Variants in CCND3 observed in about 807,000 individuals in gnomAD.
The protein encoded by CCND3 is G1/S-specific cyclin-D3.
Under a neutral mutation model 28.7 loss-of-function variants are expected in CCND3, and 9 were observed. The ratio of observed to expected loss-of-function variants is 0.31; its 90% CI spans 0.19 to 0.55. The LOEUF is 0.55. Ranked by LOEUF, CCND3 falls within the 20% of genes least tolerant of loss-of-function variation. The pLI, the probability that CCND3 is intolerant of heterozygous loss-of-function variation, is 0.93. For synonymous variants in CCND3, 164 were observed against 163.9 expected (o/e 1.00, Z 0.00); for missense variants, 315 against 385.8 (o/e 0.82, Z 1.54).
At chr6:41,966,331 G>T (rs1761885304) in intron 1 of CCND3, among the ~76,000 whole-genome samples, 1 of 151,846 alleles carries the variant, frequency 6.6e-6, no homozygotes, top group Non-Finnish European at 1.5e-5. Flanking sequence ...GAGGTGGGAG[G>T]ATCCCTGGAG....
At chr6:41,991,940 G>A (rs1212051574) in intron 1 of CCND3, among the ~76,000 whole-genome samples, 3 of 152,066 alleles carry the variant, frequency 2.0e-5, no homozygotes, top group Non-Finnish European at 4.4e-5. Context: ...TCTTTTTTAT[G>A]GCTGAAAAGA....
At chr6:42,037,245 G>GT (rs112110003) in intron 1 of CCND3, among the ~76,000 whole-genome samples, 8,733 of 126,398 alleles carry the variant, frequency 0.069, 776 homozygotes, top group African/African-American at 0.21. Flanking sequence ...CGGCCGTTTT[G>GT]TTTTTTTTTT....
At chr6:41,989,544 C>A (rs1762593058) in intron 1 of CCND3, among the ~76,000 whole-genome samples, 1 of 148,638 alleles carries the variant, frequency 6.7e-6, no homozygotes, top group Admixed American at 6.7e-5. Flanking sequence ...TCTCACCAAA[C>A]ATCTACAGAT....
chr6:41,992,778 T>C (rs762740191), intron 1 of CCND3, among the ~76,000 whole-genome samples: 10 of 152,052 alleles, frequency 6.6e-5, no homozygotes, highest in Non-Finnish European at 1.5e-4. Flanking sequence ...AGGGTCTCGC[T>C]CTGTCACCTA....
At chr6:41,971,589 TG>T (rs1762033158) in intron 1 of CCND3, among the ~76,000 whole-genome samples, 1 of 151,768 alleles carries the variant, frequency 6.6e-6, no homozygotes, top group African/African-American at 2.4e-5. Flanking sequence ...GTCGCCAGGC[TG>T]GAGTTCAGTG....
chr6:41,984,615 T>A (rs961071797), intron 1 of CCND3, among the ~76,000 whole-genome samples: 21 of 152,162 alleles, frequency 1.4e-4, no homozygotes, highest in Admixed American at 2.0e-4. Context: ...CCCAAAGTGT[T>A]GGGATTACAG....
intron 1 of CCND3, among the ~76,000 whole-genome samples, chr6:42,001,465 A>ACTAG (rs397698458): frequency 4.0e-5 from 6 of 151,262 alleles, no homozygotes; most frequent in Non-Finnish European, 8.9e-5. Context: ...ACATATACTA[A>ACTAG]GTGAAAGAAG....
chr6:42,023,342 G>GA (rs1166906667), intron 1 of CCND3, among the ~76,000 whole-genome samples: 1 of 152,226 alleles, frequency 6.6e-6, no homozygotes, highest in African/African-American at 2.4e-5. Context: ...GCCTTACAGA[G>GA]AAAATACATT....
intron 1 of CCND3, among the ~76,000 whole-genome samples, chr6:41,987,515 CTCTGTG>C (rs1762523388): frequency 4.8e-5 from 2 of 41,240 alleles, no homozygotes; most frequent in African/African-American, 4.2e-4. Flanking sequence ...CTCTCTCTCT[CTCTGTG>C]TGTGTGTGTG....
At chr6:41,980,930 A>G (rs1762327791) in intron 1 of CCND3, among the ~76,000 whole-genome samples, 1 of 152,164 alleles carries the variant, frequency 6.6e-6, no homozygotes. Context: ...ATCATACTCA[A>G]TGGTGGGAAA....
At chr6:41,993,706 C>CGAGG (rs1762720387) in intron 1 of CCND3, among the ~76,000 whole-genome samples, 2 of 151,708 alleles carry the variant, frequency 1.3e-5, no homozygotes, top group South Asian at 4.2e-4. Flanking sequence ...TTCACTATCA[C>CGAGG]GAGGTCAGGA....
upstream of CCND3, among the ~76,000 whole-genome samples, chr6:41,946,627 A>G (rs537693774): frequency 2.1e-5 from 3 of 142,186 alleles, no homozygotes; most frequent in Non-Finnish European, 4.6e-5. Context: ...AAAAAAAAGC[A>G]GTAAACCAAA....
chr6:42,011,074 GTGAATGAATGAATGAATGAA>G (rs35481277), intron 1 of CCND3: 1 of 150,318 alleles, frequency 6.7e-6, no homozygotes, highest in African/African-American at 2.5e-5. Flanking sequence ...ACAACTGGTA[GTGAATGAATGAATGAATGAA>G]TGAATGAATG....
At chr6:41,995,756 T>G (rs1055008516) in intron 1 of CCND3, among the ~76,000 whole-genome samples, 1 of 151,672 alleles carries the variant, frequency 6.6e-6, no homozygotes, top group African/African-American at 2.4e-5. Flanking sequence ...ACACGAGAGA[T>G]AAAAATACAT....
At chr6:41,962,009 G>GTT (rs1761731416) in intron 1 of CCND3, among the ~76,000 whole-genome samples, 3 of 152,140 alleles carry the variant, frequency 2.0e-5, no homozygotes, top group Non-Finnish European at 4.4e-5. Flanking sequence ...TCAGTGCTCA[G>GTT]GTGCTCCCAT....
intron 1 of CCND3, among the ~76,000 whole-genome samples, chr6:41,954,309 T>G (rs1776387739): frequency 1.5e-5 from 2 of 133,064 alleles, no homozygotes; most frequent in South Asian, 4.8e-4. Flanking sequence ...TCCCAGCACT[T>G]TGGGAGGCTG....
intron 1 of CCND3, among the ~76,000 whole-genome samples, chr6:42,040,189 G>A (rs185517868): frequency 1.5e-4 from 23 of 152,228 alleles, no homozygotes; most frequent in African/African-American, 5.3e-4. Context: ...AGGCTGAGGC[G>A]GGTGGATCAC....
intron 1 of CCND3, among the ~76,000 whole-genome samples, chr6:42,020,700 A>T (rs1763684965): frequency 6.6e-6 from 1 of 152,142 alleles, no homozygotes; most frequent in Admixed American, 6.6e-5. Flanking sequence ...CAGCACAGAG[A>T]GCCTGCACTC....
chr6:42,037,395 G>A (rs1330982832), intron 1 of CCND3, among the ~76,000 whole-genome samples: 1 of 151,686 alleles, frequency 6.6e-6, no homozygotes. Context: ...GCACGACCAT[G>A]CCCAGCTAAT....
Sources: gnomAD v4.1 joint callset for allele counts (sites outside exome capture counted in the v4.1 genomes callset) on GRCh38, gnomAD v4.1.1 for gene constraint, MANE v1.5 for transcripts, NCBI Gene and HGNC (gene_info 2026-07-23, HGNC 2026-07-21) for gene names.